Variants in TCERG1L observed in about 807,000 individuals in gnomAD.
TCERG1L encodes transcription elongation regulator 1 like.
Under a neutral mutation model 56.3 loss-of-function variants are expected in TCERG1L, and 37 were observed. The observed-to-expected ratio is 0.66, with a 90% confidence interval of 0.51 to 0.87. TCERG1L has a LOEUF of 0.87. Among genes scored for constraint, TCERG1L ranks in the 40% least tolerant of loss-of-function variants. The pLI is 0.00. For missense variants in TCERG1L, 799 were observed against 774.2 expected (o/e 1.03, Z -0.38); for synonymous variants, 324 against 326.3 (o/e 0.99, Z 0.08).
intron 3 of TCERG1L, among the ~76,000 whole-genome samples, chr10:131,305,937 T>C (rs1227111279): frequency 6.6e-6 from 1 of 152,132 alleles, no homozygotes; most frequent in Non-Finnish European, 1.5e-5. Flanking sequence ...TACAAATTAT[T>C]ATAACATATA....
chr10:131,261,863 G>C (rs1242892094), intron 3 of TCERG1L, among the ~76,000 whole-genome samples: 1 of 152,200 alleles, frequency 6.6e-6, no homozygotes, highest in Non-Finnish European at 1.5e-5. Flanking sequence ...ATTGTGACTG[G>C]GGTGGCCAGG....
At position 131,092,685 on chromosome 10, in the gene TCERG1L, C is replaced by T. The variant is rs1845192118; in HGVS notation, c.*477G>A. The stretch of plus-strand genomic sequence containing the variant: ...GTCACTATGATGAATGATGAAAACC[C>T]TATTGCTGCTACTCAGAAACGAGAC... On this transcript the variant is annotated 3_prime_UTR_variant, in exon 12 of 12. Transcript: ENST00000368642. 6.5e-6 allele frequency: 1 copy of T among 153,682 alleles called. No homozygotes were observed. Among genetic ancestry groups the T allele is most frequent in the Admixed American group, 6.5e-5 (1 of 15,396 alleles). The allele number at this position is 153,682 out of a possible 1,614,324, so 9.5% of individuals were successfully genotyped here.
chr10:131,221,487 C>T (rs1283219019), intron 4 of TCERG1L, among the ~76,000 whole-genome samples: 3 of 152,202 alleles, frequency 2.0e-5, no homozygotes, highest in Non-Finnish European at 4.4e-5. Context: ...TAGAAGGCAG[C>T]GAGGAAAGCG....
chr10:131,256,992 G>GGAAGGAAGGAAAGAAAAGAAAGAAA (rs1846173015), intron 4 of TCERG1L, among the ~76,000 whole-genome samples: 9 of 59,214 alleles, frequency 1.5e-4, no homozygotes, highest in African/African-American at 5.0e-4. Flanking sequence ...AAGGAAGGAA[G>GGAAGGAAGGAAAGAAAAGAAAGAAA]GAAAGAAAGA....
chr10:131,126,689 C>G (rs1424072985), intron 8 of TCERG1L, among the ~76,000 whole-genome samples: 2 of 152,242 alleles, frequency 1.3e-5, no homozygotes, highest in Non-Finnish European at 2.9e-5. Flanking sequence ...GGACATGTTT[C>G]TGCACCTGTA....
intron 4 of TCERG1L, among the ~76,000 whole-genome samples, chr10:131,235,521 A>C (rs1450752658): frequency 8.5e-5 from 13 of 152,214 alleles, no homozygotes; most frequent in Admixed American, 8.5e-4. Flanking sequence ...GAACAACTAA[A>C]AACGATATTG....
intron 3 of TCERG1L, among the ~76,000 whole-genome samples, chr10:131,290,583 ATC>A (rs1846602747): frequency 6.8e-6 from 1 of 148,070 alleles, no homozygotes; most frequent in Non-Finnish European, 1.5e-5. Flanking sequence ...GTGAGCTGAG[ATC>A]GCGCCATTGC....
intron 4 of TCERG1L, among the ~76,000 whole-genome samples, chr10:131,236,879 C>T (rs1316615149): frequency 1.3e-5 from 2 of 152,100 alleles, no homozygotes; most frequent in Admixed American, 1.3e-4. Flanking sequence ...ACTGTCCCCA[C>T]ACAAGCCACC....
At chr10:131,308,713 G>T (rs966736146) in intron 2 of TCERG1L, among the ~76,000 whole-genome samples, 4 of 152,104 alleles carry the variant, frequency 2.6e-5, no homozygotes, top group Admixed American at 1.3e-4. Flanking sequence ...TACTTCTTTA[G>T]TTTCCTTGTG....
intron 4 of TCERG1L, among the ~76,000 whole-genome samples, chr10:131,206,974 A>C (rs1327756878): frequency 6.6e-6 from 1 of 152,128 alleles, no homozygotes; most frequent in African/African-American, 2.4e-5. Context: ...CTAATTCTCA[A>C]ATAGGCCTTT....
rs1455125791 is a variant in TCERG1L at position 131,267,039 on chromosome 10, G to A, written c.671-6595C>T. Among the ~76,000 whole-genome samples, 2 of 152,030 alleles carry A rather than the reference G, an allele frequency of 1.3e-5. No individual in the cohort carries two copies. The highest frequency in any genetic ancestry group is 2.9e-5 in the Non-Finnish European group (2 of 67,980). On this transcript the variant is annotated intron_variant, in intron 3 of 11. Transcript: ENST00000368642. This position sits in a 1 kb window ranked among gnomAD's most constrained non-coding sequence, Gnocchi z 4.9. ...GGCCCCCAGCCTTCAGGTCCTCCCT[G>A]GCCTGAAGGTGCATCCTCATCTGGA...
chr10:131,171,350 T>C (rs1382254616), intron 4 of TCERG1L, among the ~76,000 whole-genome samples: 1 of 152,154 alleles, frequency 6.6e-6, no homozygotes, highest in Non-Finnish European at 1.5e-5. Flanking sequence ...GTCAGGGTCC[T>C]GGAAGCTTTT....
chr10:131,257,944 ATAAAT>A (rs1033604039), intron 4 of TCERG1L, among the ~76,000 whole-genome samples: 5 of 152,262 alleles, frequency 3.3e-5, no homozygotes, highest in African/African-American at 9.6e-5. Flanking sequence ...TCTTCTGTAG[ATAAAT>A]TAAAGGTCAC....
chr10:131,152,882 G>A (rs1040839749), intron 6 of TCERG1L, among the ~76,000 whole-genome samples: 3 of 152,128 alleles, frequency 2.0e-5, no homozygotes, highest in Non-Finnish European at 2.9e-5. Flanking sequence ...AATGTCAGAC[G>A]CTTATAGAAC....
chr10:131,248,956 C>T (rs1415253710), intron 4 of TCERG1L, among the ~76,000 whole-genome samples: 1 of 152,216 alleles, frequency 6.6e-6, no homozygotes, highest in African/African-American at 2.4e-5. Context: ...TCGGCAGGAC[C>T]AGCCGCCCCG....
chr10:131,289,742 GAGC>G (rs1846590490), intron 3 of TCERG1L, among the ~76,000 whole-genome samples: 2 of 46,258 alleles, frequency 4.3e-5, no homozygotes, highest in South Asian at 8.2e-4. Flanking sequence ...TGCTGTGTGT[GAGC>G]AGGTGTGCAC....
rs1564794948 is a variant in TCERG1L at position 131,116,953 on chromosome 10, CAG to C, written c.1260-21_1260-20del. 5.0e-6 allele frequency: 8 copies of C among 1,602,080 alleles called. No homozygotes were observed. The highest frequency in any genetic ancestry group is 6.8e-6 in the Non-Finnish European group (8 of 1,174,768). On this transcript the variant is annotated intron_variant, in intron 8 of 11. Transcript: ENST00000368642. ...TTCGGTCCTTCAGGAACACAAGACG[CAG>C]AGTTAGACACACTCGTGGGGACCCA...
intron 4 of TCERG1L, among the ~76,000 whole-genome samples, chr10:131,254,306 T>TATATATATATATATATATATATATATAG: frequency 6.7e-6 from 1 of 149,554 alleles, no homozygotes; most frequent in African/African-American, 2.5e-5. Context: ...GATTTAAATA[T>TATATATATATATATATATATATATATAG]ATATATATAT....
At chr10:131,187,629 T>C (rs1038222735) in intron 4 of TCERG1L, among the ~76,000 whole-genome samples, 1 of 152,160 alleles carries the variant, frequency 6.6e-6, no homozygotes, top group African/African-American at 2.4e-5. Context: ...CCAAAATCAA[T>C]AATCTGCCGC....
Sources: allele counts gnomAD v4.1 joint callset (sites outside exome capture counted in the v4.1 genomes callset), GRCh38; gene constraint gnomAD v4.1.1; non-coding constraint Gnocchi (gnomAD v3.1); transcripts MANE v1.5; gene names NCBI Gene and HGNC (gene_info 2026-07-23, HGNC 2026-07-21).